Variants in ARHGAP15 observed in about 807,000 individuals in gnomAD.
ARHGAP15 encodes the protein Rho GTPase activating protein 15, also known as rho GTPase-activating protein 15.
ARHGAP15 carries 51 observed loss-of-function variants against 63.7 expected under a neutral mutation model. That is an observed-to-expected ratio of 0.80 (90% confidence interval 0.64 to 1.01). ARHGAP15 has a LOEUF of 1.01. ARHGAP15 is among the 50% of genes least tolerant of loss of function. The pLI is 0.00. For synonymous variants in ARHGAP15, 191 were observed against 193.8 expected (o/e 0.99, Z 0.12); for missense variants, 560 against 564.6 (o/e 0.99, Z 0.08).
At chr2:143,271,727 T>C (rs982417118) in intron 6 of ARHGAP15, among the ~76,000 whole-genome samples, 12 of 152,176 alleles carry the variant, frequency 7.9e-5, no homozygotes, top group South Asian at 2.1e-4. Context: ...CCGCCCGCCT[T>C]GGCCTCCCAA....
intron 1 of ARHGAP15, among the ~76,000 whole-genome samples, chr2:143,133,498 TG>T (rs1430811133): frequency 1.3e-5 from 2 of 152,196 alleles, no homozygotes; most frequent in African/African-American, 4.8e-5. Context: ...CACTGTGAAG[TG>T]ACATTTTCTT....
chr2:143,551,548 A>G (rs1001460472), intron 10 of ARHGAP15, among the ~76,000 whole-genome samples: 4 of 152,174 alleles, frequency 2.6e-5, no homozygotes, highest in East Asian at 3.9e-4. Context: ...GTATGGTTCA[A>G]TTTTGTATTT....
intron 10 of ARHGAP15, among the ~76,000 whole-genome samples, chr2:143,542,409 A>T (rs921909474): frequency 6.6e-6 from 1 of 152,000 alleles, no homozygotes; most frequent in African/African-American, 2.4e-5. Context: ...GGCACTCCCC[A>T]GTGAGATGAA....
At chr2:143,579,591 G>T (rs532416690) in intron 11 of ARHGAP15, among the ~76,000 whole-genome samples, 1 of 152,066 alleles carries the variant, frequency 6.6e-6, no homozygotes, top group Non-Finnish European at 1.5e-5. Flanking sequence ...AGGGGAGCTC[G>T]TCCAAAAAGA....
At chr2:143,258,483 A>G (rs1303980582) in intron 6 of ARHGAP15, among the ~76,000 whole-genome samples, 3 of 152,168 alleles carry the variant, frequency 2.0e-5, no homozygotes. Context: ...TATGGCATCT[A>G]TGCATAGAGT....
chr2:143,536,414 G>C (rs1163319101), intron 10 of ARHGAP15, among the ~76,000 whole-genome samples: 1 of 151,782 alleles, frequency 6.6e-6, no homozygotes, highest in Admixed American at 6.6e-5. Context: ...GGGTACATGT[G>C]CACAACGTGC....
chr2:143,714,157 T>G (rs1432737029), intron 13 of ARHGAP15, among the ~76,000 whole-genome samples: 2 of 152,226 alleles, frequency 1.3e-5, no homozygotes, highest in Non-Finnish European at 1.5e-5. Flanking sequence ...TTTCTATACA[T>G]CTTAAATCTA....
chr2:143,178,199 T>C (rs752059699), intron 2 of ARHGAP15, among the ~76,000 whole-genome samples: 1 of 152,214 alleles, frequency 6.6e-6, no homozygotes, highest in Non-Finnish European at 1.5e-5. Context: ...ACCATAATTA[T>C]CTATCAATGG....
chr2:143,227,879 GATAT>G (rs145864623), intron 4 of ARHGAP15, among the ~76,000 whole-genome samples: 2,815 of 152,136 alleles, frequency 0.019, 42 homozygotes, highest in Admixed American at 0.029. Context: ...TTAGCCAAAA[GATAT>G]ACACATTTTT....
At chr2:143,660,930 G>T (rs1681734851) in intron 12 of ARHGAP15, among the ~76,000 whole-genome samples, 1 of 152,142 alleles carries the variant, frequency 6.6e-6, no homozygotes, top group Non-Finnish European at 1.5e-5. Flanking sequence ...TAGAAGTCTG[G>T]CACTGGTCTC....
At chr2:143,329,231 T>C (rs920210567) in intron 6 of ARHGAP15, among the ~76,000 whole-genome samples, 2 of 152,174 alleles carry the variant, frequency 1.3e-5, no homozygotes, top group Admixed American at 6.5e-5. Context: ...TTTATGGCAA[T>C]GGTGAATGAA....
intron 13 of ARHGAP15, among the ~76,000 whole-genome samples, chr2:143,726,424 CAA>C (rs112621967): frequency 1.5e-4 from 22 of 143,378 alleles, no homozygotes; most frequent in Middle Eastern, 3.5e-3. Flanking sequence ...AAAAAACAAC[CAA>C]AAAAAAAAGA....
At chr2:143,311,961 T>C (rs1484914831) in intron 6 of ARHGAP15, among the ~76,000 whole-genome samples, 1 of 152,086 alleles carries the variant, frequency 6.6e-6, no homozygotes, top group Non-Finnish European at 1.5e-5. Context: ...GGGCCTTCCT[T>C]TTTTTTCCCT....
At chr2:143,153,873 T>TCCTCCTCCTCCTCCTCTTCC (rs1689967986) in intron 1 of ARHGAP15, among the ~76,000 whole-genome samples, 3 of 46,902 alleles carry the variant, frequency 6.4e-5, no homozygotes, top group African/African-American at 2.0e-4. Flanking sequence ...CCTCCTCCTC[T>TCCTCCTCCTCCTCCTCTTCC]TCCTCCTCCT....
chr2:143,507,538 C>T (rs1408620411), intron 9 of ARHGAP15, among the ~76,000 whole-genome samples: 1 of 152,178 alleles, frequency 6.6e-6, no homozygotes, highest in East Asian at 1.9e-4. Flanking sequence ...CATTCTTATT[C>T]TCAGACTATT....
chr2:143,655,131 A>T (rs1448270274), intron 12 of ARHGAP15, among the ~76,000 whole-genome samples: 1 of 152,318 alleles, frequency 6.6e-6, no homozygotes, highest in South Asian at 2.1e-4. Context: ...TCCCTGGGGC[A>T]GCATTTTTTC....
Position 143,519,337 on chromosome 2 carries a change from C to A in ARHGAP15, c.898C>A (p.Gln300Lys). 1.9e-6 allele frequency: 3 copies of A among 1,612,900 alleles called. No individual in the cohort carries two copies. Among genetic ancestry groups the A allele is most frequent in the South Asian group, 1.1e-5 (1 of 91,060 alleles). ...ENSTVPWFVK[Q>K]CIEAVEKRGL... ...TTCCACAGTTCCGTGGTTTGTAAAG[C>A]AATGCATTGAAGCTGTTGAGAAAAG... The change falls in exon 10 of 14, where the codon CAA (glutamine) becomes AAA (lysine). Residue 300 changes from glutamine (Q) to lysine (K), a missense_variant. Coordinates refer to ENST00000295095, the MANE Select transcript of ARHGAP15 (RefSeq NM_018460.4).
At chr2:143,168,826 T>G (rs1558789908) in intron 2 of ARHGAP15, among the ~76,000 whole-genome samples, 2 of 152,062 alleles carry the variant, frequency 1.3e-5, no homozygotes, top group Non-Finnish European at 2.9e-5. Context: ...TTTGGAGACT[T>G]TTAAACTTTG....
At chr2:143,454,093 G>A (rs936186342) in intron 8 of ARHGAP15, among the ~76,000 whole-genome samples, 1 of 152,024 alleles carries the variant, frequency 6.6e-6, no homozygotes, top group Non-Finnish European at 1.5e-5. Context: ...AAAGTTGGGT[G>A]GAAAGAATGT....
Sources: gnomAD v4.1 joint callset for allele counts (sites outside exome capture counted in the v4.1 genomes callset) on GRCh38, gnomAD v4.1.1 for gene constraint, MANE v1.5 for transcripts, NCBI Gene and HGNC (gene_info 2026-07-23, HGNC 2026-07-21) for gene names.